The following GALNT13 variants were observed in gnomAD, a reference collection of about 807,000 sequenced individuals.
GALNT13 encodes the protein polypeptide N-acetylgalactosaminyltransferase 13, also known as UDP-GalNAc:polypeptide N-acetylgalactosaminyltransferase 13.
In GALNT13, 28 loss-of-function variants were observed where a neutral mutation model predicts 64.2. That is an observed-to-expected ratio of 0.44 (90% CI 0.32 to 0.60). GALNT13 has a LOEUF of 0.60. Ranked by LOEUF, GALNT13 falls within the 20% of genes least tolerant of loss-of-function variation. GALNT13 has a pLI of 0.05. For missense variants in GALNT13, 577 were observed against 669.8 expected (o/e 0.86, Z 1.53); for synonymous variants, 214 against 224.6 (o/e 0.95, Z 0.42).
intron 9 of GALNT13, among the ~76,000 whole-genome samples, chr2:154,370,154 AG>A (rs1381915745): frequency 6.6e-6 from 1 of 152,082 alleles, no homozygotes; most frequent in Non-Finnish European, 1.5e-5. Context: ...GGGGGATACA[AG>A]TCAGTCTCAT....
the GALNT13 span, among the ~76,000 whole-genome samples, chr2:153,584,881 G>C: frequency 6.6e-6 from 1 of 152,124 alleles, no homozygotes; most frequent in Admixed American, 6.5e-5. Flanking sequence ...CATGTACTCA[G>C]AGGCAAAACT....
chr2:153,359,630 C>CAAAAAAAAAAA, the GALNT13 span, among the ~76,000 whole-genome samples: 77 of 38,240 alleles, frequency 2.0e-3, 7 homozygotes, highest in East Asian at 0.01. Context: ...CAGCTTTCAG[C>CAAAAAAAAAAA]AAAAAAAAAA....
chr2:153,895,634 C>T (rs1398448130), intron 1 of GALNT13, among the ~76,000 whole-genome samples: 4 of 151,984 alleles, frequency 2.6e-5, no homozygotes, highest in South Asian at 2.1e-4. Context: ...TAACTGGCTG[C>T]AGTAATTGTA....
At chr2:153,606,549 ATTC>A in the GALNT13 span, among the ~76,000 whole-genome samples, 8 of 152,062 alleles carry the variant, frequency 5.3e-5, no homozygotes, top group East Asian at 1.9e-4. Flanking sequence ...GCTCAAGACA[ATTC>A]TTCTTCTTCC....
intron 4 of GALNT13, among the ~76,000 whole-genome samples, chr2:154,196,948 T>TA (rs1686911318): frequency 6.6e-6 from 1 of 152,356 alleles, no homozygotes; most frequent in South Asian, 2.1e-4. Flanking sequence ...TATGTGTCCT[T>TA]ACTCTCAAGA....
chr2:153,764,480 G>A, the GALNT13 span, among the ~76,000 whole-genome samples: 26 of 152,240 alleles, frequency 1.7e-4, no homozygotes, highest in South Asian at 5.4e-3. Flanking sequence ...AGGTTGCAGT[G>A]AGCCAAGATT....
the GALNT13 span, among the ~76,000 whole-genome samples, chr2:153,312,206 C>T: frequency 6.6e-6 from 1 of 152,124 alleles, no homozygotes; most frequent in Non-Finnish European, 1.5e-5. Flanking sequence ...TTCTACGGGA[C>T]AGTCCTGATG....
the GALNT13 span, among the ~76,000 whole-genome samples, chr2:153,136,792 TG>T: frequency 5.9e-4 from 90 of 151,840 alleles, no homozygotes; most frequent in Non-Finnish European, 1.2e-3. Context: ...GGAGGATGTG[TG>T]GGTTATTTTA....
intron 3 of GALNT13, among the ~76,000 whole-genome samples, chr2:154,093,951 G>C (rs992621931): frequency 6.6e-6 from 1 of 151,624 alleles, no homozygotes; most frequent in African/African-American, 2.4e-5. Flanking sequence ...CTATTGACTT[G>C]TCATACAGGT....
chr2:153,698,317 A>G, the GALNT13 span, among the ~76,000 whole-genome samples: 1 of 152,304 alleles, frequency 6.6e-6, no homozygotes, highest in East Asian at 1.9e-4. Context: ...ATAAAGACTC[A>G]AGACCCATCA....
chr2:153,813,148 C>T, the GALNT13 span, among the ~76,000 whole-genome samples: 3 of 152,120 alleles, frequency 2.0e-5, no homozygotes, highest in Non-Finnish European at 4.4e-5. Context: ...GAATTCTTAT[C>T]TGTTTTCAGT....
At chr2:153,542,353 C>G in the GALNT13 span, among the ~76,000 whole-genome samples, 1 of 62,962 alleles carries the variant, frequency 1.6e-5, no homozygotes, top group African/African-American at 1.2e-4. Flanking sequence ...CAAACACACA[C>G]ACACACAAAA....
At chr2:153,497,540 TTTTTTTTTTTTTTTTG>T in the GALNT13 span, among the ~76,000 whole-genome samples, 1 of 125,534 alleles carries the variant, frequency 8.0e-6, no homozygotes, top group African/African-American at 3.1e-5. Flanking sequence ...TTTTTTTTTT[TTTTTTTTTTTTTTTTG>T]AGACAGAGTT....
chr2:153,944,273 G>A (rs564064070), intron 2 of GALNT13, 121 bp from the exon 3 acceptor site: 6 of 393,386 alleles, frequency 1.5e-5, no homozygotes, highest in African/African-American at 6.2e-5. Flanking sequence ...TTTTGGATTC[G>A]AAGGCTTGAG....
chr2:153,526,753 A>G, the GALNT13 span, among the ~76,000 whole-genome samples: 2 of 152,204 alleles, frequency 1.3e-5, no homozygotes, highest in African/African-American at 2.4e-5. Flanking sequence ...TTTCACACAG[A>G]TAATTTAAAA....
chr2:153,695,449 C>T, the GALNT13 span, among the ~76,000 whole-genome samples: 1 of 152,160 alleles, frequency 6.6e-6, no homozygotes, highest in Non-Finnish European at 1.5e-5. Context: ...ACAGCAACCA[C>T]ATATGGGCAG....
At chr2:153,493,532 T>C in the GALNT13 span, among the ~76,000 whole-genome samples, 2 of 152,048 alleles carry the variant, frequency 1.3e-5, no homozygotes, top group Admixed American at 1.3e-4. Context: ...ATGATTTCAC[T>C]GGTTAATTCT....
chr2:154,398,784 C>G (rs951351618), intron 10 of GALNT13, among the ~76,000 whole-genome samples: 2 of 152,130 alleles, frequency 1.3e-5, no homozygotes, highest in Admixed American at 6.6e-5. Flanking sequence ...AAACATCTAG[C>G]CCAATGCCTG....
the GALNT13 span, among the ~76,000 whole-genome samples, chr2:153,069,396 G>A: frequency 6.5e-4 from 99 of 152,216 alleles, no homozygotes; most frequent in African/African-American, 2.4e-3. Context: ...AGTGGGAGAG[G>A]GATGATGAAA....
Sources: gnomAD v4.1 joint callset for allele counts (sites outside exome capture counted in the v4.1 genomes callset) on GRCh38, gnomAD v4.1.1 for gene constraint, MANE v1.5 for transcripts, NCBI Gene and HGNC (gene_info 2026-07-23, HGNC 2026-07-21) for gene names.